Variants in BCL6 observed in about 807,000 individuals in gnomAD.
BCL6 encodes BCL6 transcription repressor.
Under a neutral mutation model 59.5 loss-of-function variants are expected in BCL6, and 7 were observed. The ratio of observed to expected loss-of-function variants is 0.12; its 90% CI spans 0.07 to 0.22. The LOEUF (loss-of-function observed/expected upper bound fraction) is 0.22. BCL6 is among the 10% of genes least tolerant of loss of function. The pLI, the probability that BCL6 is intolerant of heterozygous loss-of-function variation, is 1.00. For missense variants in BCL6, 685 were observed against 939.4 expected, an observed-to-expected ratio of 0.73 and a Z score of 3.54; for synonymous variants, 339 against 349.7, an observed-to-expected ratio of 0.97 and a Z score of 0.34.
chr3:187,723,736 G>A (rs1196817376), intron 9 of BCL6, among the ~76,000 whole-genome samples: 1 of 152,142 alleles, frequency 6.6e-6, no homozygotes, highest in Non-Finnish European at 1.5e-5. Context: ...GCCATTCACC[G>A]CTGTGTGTCC....
At chr3:187,734,768 T>C (rs1372849077) in intron 2 of BCL6, 101 bp downstream of exon 2, 1 of 152,652 alleles carries the variant, frequency 6.6e-6, no homozygotes, top group Non-Finnish European at 1.5e-5. Flanking sequence ...CCTTGTCTCA[T>C]ATAATGAACA....
chr3:187,744,714 T>A (rs1711811275), intron 1 of BCL6, among the ~76,000 whole-genome samples: 2 of 151,798 alleles, frequency 1.3e-5, no homozygotes, highest in African/African-American at 4.8e-5. Context: ...GCAGCCTCCC[T>A]TTTTGCCTCC....
chr3:187,745,373 TAGC>T, intron 1 of BCL6, 34 bp downstream of exon 1: 2 of 402,080 alleles, frequency 5.0e-6, no homozygotes, highest in Non-Finnish European at 8.8e-6. Context: ...GCGGCGGCAG[TAGC>T]AGCAGCAGCG....
Position 187,722,437 on chromosome 3 carries a change from A to T in BCL6, c.*21T>A. 1 of 1,603,866 alleles carries T rather than the reference A, an allele frequency of 6.2e-7. No individual in the cohort carries two copies. ...AGATTCTGAGAAGGGGCTGGAGACG[A>T]AAGCATCAACACTCCATGCTTCAGC... On this transcript the variant is annotated 3_prime_UTR_variant, in exon 10 of 10. Coordinates refer to ENST00000406870, the MANE Select transcript of BCL6 (RefSeq NM_001706.5).
Position 187,729,742 on chromosome 3 carries a change from G to A in BCL6, c.663C>T (p.Ala221=). 3 of 1,614,158 alleles carry A rather than the reference G, an allele frequency of 1.9e-6. No individual in the cohort carries two copies. The highest frequency in any genetic ancestry group is 1.7e-6 in the Non-Finnish European group (2 of 1,180,024). Residue 221 remains alanine (A), a synonymous_variant, in exon 5 of 10, where the codon GCC becomes GCT. Transcript: ENST00000406870. The surrounding 1 kb of genome is among the most constrained non-coding windows in gnomAD (Gnocchi z 5.6). ...EEFRDVRMPV[A]NPFPKERALP... Reference sequence around the variant, plus strand: ...GTGCCCGCTCCTTGGGGAAGGGGTTGGCCACAGGCATCCGGACATCCCGAA... The same window carrying A: ...GTGCCCGCTCCTTGGGGAAGGGGTTAGCCACAGGCATCCGGACATCCCGAA...
At chr3:187,745,073 G>A (rs531471250) in intron 1 of BCL6, among the ~76,000 whole-genome samples, 1 of 151,972 alleles carries the variant, frequency 6.6e-6, no homozygotes, top group Non-Finnish European at 1.5e-5. Flanking sequence ...CAACACAAGG[G>A]AGGGTGGCAA....
intron 9 of BCL6, 32 bp from the exon 10 acceptor site, chr3:187,722,633 G>A: frequency 6.2e-7 from 1 of 1,603,658 alleles, no homozygotes; most frequent in Non-Finnish European, 8.5e-7. Flanking sequence ...ACTGTTAGCT[G>A]TCATCAACCC....
At chr3:187,738,425 G>A (rs1272854188) in intron 1 of BCL6, among the ~76,000 whole-genome samples, 1 of 152,102 alleles carries the variant, frequency 6.6e-6, no homozygotes, top group East Asian at 1.9e-4. Flanking sequence ...GCTCCACTTG[G>A]TTTCCGCCCA....
At position 187,728,514 on chromosome 3, in the gene BCL6, G is replaced by A. The variant is rs368187258; in HGVS notation, c.1386C>T (p.Ser462=). ...GCATGTAGAGTGGTGAGTGGCTCTC[G>A]CTGCTGCTGCGGGGAGAGCCCGTCA... ...RSMTGSPRSS[S]ESHSPLYMHP... Residue 462 remains serine, a synonymous_variant, in exon 6 of 10, where the codon AGC becomes AGT. Coordinates refer to ENST00000406870, the MANE Select transcript of BCL6 (RefSeq NM_001706.5). The A allele has an allele frequency of 4.0e-5, 65 of 1,609,788 alleles. No individual in the cohort carries two copies. Among genetic ancestry groups the A allele is most frequent in the Middle Eastern group, 4.4e-4 (2 of 4,532 alleles).
At position 187,729,004 on chromosome 3, in the gene BCL6, GC is replaced by G. The variant is rs770959683; in HGVS notation, c.1355+45del. 6.0e-5 allele frequency: 90 copies of G among 1,507,444 alleles called. No individual in the cohort carries two copies. Among genetic ancestry groups the G allele is most frequent in the Non-Finnish European group, 7.7e-5 (87 of 1,130,330 alleles). The allele number at this position is 1,507,444 out of a possible 1,614,324, so 93.4% of individuals were successfully genotyped here. A position where few individuals can be genotyped will look rare whatever the true frequency, so the allele number is the denominator to read the frequency against. On this transcript the variant is annotated intron_variant, in intron 5 of 9. Coordinates refer to ENST00000406870, the MANE Select transcript of BCL6 (RefSeq NM_001706.5). This position sits in a 1 kb window ranked among gnomAD's most constrained non-coding sequence, Gnocchi z 5.6. ...AAAAGAAGAAACGACATGGAACCCT[GC>G]CCAGGTAACCCCTGACCTCAGACCC... is the stretch of plus-strand genomic sequence containing the variant.
At chr3:187,734,409 T>G (rs1450548915) in intron 2 of BCL6, 2 of 152,684 alleles carry the variant, frequency 1.3e-5, no homozygotes, top group Admixed American at 1.3e-4. Context: ...TTAAGCAGGT[T>G]GTTTACTGGT....
intron 4 of BCL6, 125 bp downstream of exon 4, chr3:187,731,584 G>T: frequency 2.2e-6 from 2 of 909,928 alleles, no homozygotes; most frequent in Non-Finnish European, 3.4e-6. Flanking sequence ...TGTGCAACAA[G>T]AGTGGAAATG....
chr3:187,733,463 C>T, intron 3 of BCL6, 70 bp downstream of exon 3: 3 of 1,552,878 alleles, frequency 1.9e-6, no homozygotes, highest in Non-Finnish European at 2.6e-6. Flanking sequence ...CCCACATGTT[C>T]TGCCTTGCTT....
chr3:187,733,727 T>C (rs754836391), intron 2 of BCL6, 24 bp from the exon 3 acceptor site: 1 of 1,608,266 alleles, frequency 6.2e-7, no homozygotes, highest in South Asian at 1.1e-5. Flanking sequence ...GCCAAAATCC[T>C]GTTAGTCCTC....
intron 9 of BCL6, among the ~76,000 whole-genome samples, chr3:187,722,838 G>A (rs796723136): frequency 5.9e-5 from 9 of 152,294 alleles, no homozygotes; most frequent in African/African-American, 1.9e-4. Context: ...TGCTAGAGAC[G>A]TCCTTCCCTG....
rs561312764 is a variant in BCL6 at position 187,725,084 on chromosome 3, CGAA to C, written c.1840-9_1840-7del. 5.9e-5 allele frequency: 96 copies of C among 1,613,866 alleles called. No homozygotes were observed. The African/African-American group carries it at 1.1e-3, about 18-fold the overall frequency. On this transcript the variant is annotated splice_region_variant and splice_polypyrimidine_tract_variant and intron_variant, in intron 8 of 9. Coordinates refer to ENST00000406870, the MANE Select transcript of BCL6 (RefSeq NM_001706.5). The surrounding 1 kb of genome is among the most constrained non-coding windows in gnomAD (Gnocchi z 4.7). ...TGGGCACGGAGGTGGGCCACCTGAA[CGAA>C]GAAGAAGGCATGAGAGGTCTTCTGG...
At chr3:187,727,216 G>A (rs1397156981) in intron 6 of BCL6, among the ~76,000 whole-genome samples, 1 of 152,204 alleles carries the variant, frequency 6.6e-6, no homozygotes, top group Non-Finnish European at 1.5e-5. Context: ...TTCCCCAAGA[G>A]CTCTGAGAAT....
intron 1 of BCL6, among the ~76,000 whole-genome samples, chr3:187,738,838 G>GC (rs1369832913): frequency 6.6e-6 from 1 of 152,204 alleles, no homozygotes; most frequent in Non-Finnish European, 1.5e-5. Context: ...TCACCCCTTC[G>GC]CCCGGTGGGA....
chr3:187,741,209 A>T (rs2108479696), intron 1 of BCL6, among the ~76,000 whole-genome samples: 1 of 152,244 alleles, frequency 6.6e-6, no homozygotes, highest in Admixed American at 6.5e-5. Context: ...GTTCCTCCCG[A>T]TGCTCCCGCC....
Sources: gnomAD v4.1 joint callset for allele counts (sites outside exome capture counted in the v4.1 genomes callset) on GRCh38, gnomAD v4.1.1 for gene constraint, Gnocchi (gnomAD v3.1) non-coding constraint, MANE v1.5 for transcripts, NCBI Gene and HGNC (gene_info 2026-07-23, HGNC 2026-07-21) for gene names.